EP300: variants seen among roughly 807,000 people sequenced by gnomAD.
EP300 encodes the protein EP300 lysine acetyltransferase.
In EP300, 31 loss-of-function variants were observed where a neutral mutation model predicts 264.0. The observed-to-expected ratio is 0.12, with a 90% confidence interval of 0.09 to 0.16. The LOEUF (loss-of-function observed/expected upper bound fraction) is 0.16, where lower values mean the gene tolerates loss of function less well. Ranked by LOEUF, EP300 falls within the 10% of genes least tolerant of loss-of-function variation. The probability of loss-of-function intolerance (pLI) is 1.00; values close to 1 mark genes in which losing one functional copy is unlikely to be tolerated. For synonymous variants in EP300, 1,340 were observed against 1,045.4 expected, an observed-to-expected ratio of 1.28 and a Z score of -5.44; for missense variants, 2,766 against 3,052.9, an observed-to-expected ratio of 0.91 and a Z score of 2.21.
rs1347049247 is a variant in EP300, at chr22:41,168,765, C to T, written c.4070C>T (p.Thr1357Ile). 2 of 1,614,162 alleles carry T rather than the reference C, an allele frequency of 1.2e-6. No individual in the cohort carries two copies. Among genetic ancestry groups the T allele is most frequent in the Non-Finnish European group, 1.7e-6 (2 of 1,180,042 alleles). Reference sequence around the variant, plus strand: ...ATGGCAGAATCCTTTCCATACCGAACCAAAGCCCTCTTTGCCTTTGAAGAA... The same window carrying T: ...ATGGCAGAATCCTTTCCATACCGAATCAAAGCCCTCTTTGCCTTTGAAGAA... ...GEMAESFPYR[T>I]KALFAFEEID... The change falls in exon 25 of 31, where the codon ACC (threonine) becomes ATC (isoleucine). Residue 1357 changes from threonine (T) to isoleucine (I), a missense_variant. Thr to Ile is a moderately conservative substitution (Grantham distance 89). Coordinates refer to ENST00000263253, the MANE Select transcript of EP300 (RefSeq NM_001429.4).
intron 1 of EP300, among the ~76,000 whole-genome samples, chr22:41,116,144 G>A (rs1193783407): frequency 6.6e-6 from 1 of 151,814 alleles, no homozygotes; most frequent in Non-Finnish European, 1.5e-5. Context: ...AATGGGTGTT[G>A]CACTTTTTTT....
In EP300 at chr22:41,125,708, T is replaced by A. The variant is rs117458985; in HGVS notation, c.730-156T>A. On this transcript the variant is annotated intron_variant, in intron 2 of 30. Transcript: ENST00000263253. The stretch of plus-strand genomic sequence containing the variant: ...TTTGTATTTTTTAGTAGAGATGGGG[T>A]TTTGTCACGTTGCCCAAGCTGTAGT... 1,192 of 762,752 alleles carry A rather than the reference T, an allele frequency of 1.6e-3. 26 individuals are homozygous for A. The East Asian group carries it at 0.028, about 18-fold the overall frequency. The allele number at this position is 762,752 out of a possible 1,614,324, so 47.2% of individuals were successfully genotyped here. A position where few individuals can be genotyped will look rare whatever the true frequency, so the allele number is the denominator to read the frequency against.
rs1295722602 is a variant in EP300 at position 41,176,297 on chromosome 22, T to C, written c.4830T>C (p.Pro1610=). ...CTGGCCCTGCTGCCAACTCCCTGCC[T>C]CCCATTGTTGATCCTGATCCTCTCA... The part of the protein sequence containing the change: ...LIAGPAANSL[P]PIVDPDPLIP... Residue 1610 remains proline, a synonymous_variant, in exon 30 of 31, where the codon CCT becomes CCC. Coordinates refer to ENST00000263253, the MANE Select transcript of EP300 (RefSeq NM_001429.4). The C allele has an allele frequency of 6.2e-7, 1 of 1,614,188 alleles. No individual in the cohort carries two copies. The highest frequency in any genetic ancestry group is 2.2e-5 in the East Asian group (1 of 44,890).
intron 1 of EP300, among the ~76,000 whole-genome samples, chr22:41,108,550 A>G (rs2058771245): frequency 6.6e-6 from 1 of 152,080 alleles, no homozygotes; most frequent in East Asian, 1.9e-4. Flanking sequence ...TGCCCAACCT[A>G]TGCTAAACTT....
intron 1 of EP300, among the ~76,000 whole-genome samples, chr22:41,112,994 T>C (rs2058801575): frequency 1.3e-5 from 2 of 152,170 alleles, no homozygotes; most frequent in Non-Finnish European, 2.9e-5. Context: ...TATTTCAATG[T>C]ATATCTTTCA....
Position 41,093,017 on chromosome 22 carries a change from G to A in EP300, c.13G>A (p.Val5Met). Residue 5 changes from valine (V) to methionine (M), a missense_variant, in exon 1 of 31, where the codon GTG becomes ATG. By Grantham distance (21) the Val-to-Met change is conservative (BLOSUM62 1). Transcript: ENST00000263253. MAEN[V>M]VEPGPPSAKR... is the part of the protein sequence containing the mutation. ...GAAAGAATTAAAAATGGCCGAGAAT[G>A]TGGTGGAACCGGGGCCGCCTTCAGC... The A allele has an allele frequency of 1.2e-6, 2 of 1,614,096 alleles. No homozygotes were observed. Among genetic ancestry groups the A allele is most frequent in the Non-Finnish European group, 1.7e-6 (2 of 1,180,008 alleles).
rs1275724523 is a variant in EP300, at chr22:41,141,037, C to A, written c.1879-11C>A. 1 of 1,613,032 alleles carries A rather than the reference C, an allele frequency of 6.2e-7. No homozygotes were observed. Among genetic ancestry groups the A allele is most frequent in the Non-Finnish European group, 8.5e-7 (1 of 1,179,516 alleles). ...CCTCATCTCCCTTATTTTACTTCAA[C>A]AATTCAAAAGGCGGAATACTACCAC... On this transcript the variant is annotated splice_polypyrimidine_tract_variant and intron_variant, in intron 9 of 30. Coordinates refer to ENST00000263253, the MANE Select transcript of EP300 (RefSeq NM_001429.4).
chr22:41,179,100 G>C lies in EP300; in HGVS notation c.*144G>C. The C allele has an allele frequency of 1.1e-6, 1 of 898,004 alleles. No homozygotes were observed. Among genetic ancestry groups the C allele is most frequent in the Non-Finnish European group, 1.7e-6 (1 of 597,588 alleles). The allele number at this position is 898,004 out of a possible 1,614,324, so 55.6% of individuals were successfully genotyped here. ...TAAGAACTGTGCAGTAGCCGTTTGT[G>C]GTTTAAAGCAAACATGCAAGATGAA... On this transcript the variant is annotated 3_prime_UTR_variant, in exon 31 of 31. Transcript: ENST00000263253.
At position 41,166,577 on chromosome 22, in the gene EP300, CAA is replaced by C; in HGVS notation, c.3807-20_3807-19del. 1 of 1,605,208 alleles carries C rather than the reference CAA, an allele frequency of 6.2e-7. No individual in the cohort carries two copies. Among genetic ancestry groups the C allele is most frequent in the Non-Finnish European group, 8.5e-7 (1 of 1,172,622 alleles). On this transcript the variant is annotated intron_variant, in intron 22 of 30. Transcript: ENST00000263253. ...CAACGGTTTATCTAAGTTGTGTAAG[CAA>C]AGTTTTGGTTTACATTTAGATTCGT...
chr22:41,150,343 T>C (rs2059036998), intron 14 of EP300, 145 bp downstream of exon 14: 1 of 1,055,312 alleles, frequency 9.5e-7, no homozygotes. Context: ...TTAGGGACTT[T>C]TGTATCCTGT....
chr22:41,144,291 C>T (rs1479099023), intron 10 of EP300, among the ~76,000 whole-genome samples: 1 of 152,000 alleles, frequency 6.6e-6, no homozygotes, highest in Non-Finnish European at 1.5e-5. Context: ...GCATTAAGGG[C>T]ATATATATTG....
At position 41,140,188 on chromosome 22, in the gene EP300, A is replaced by G; in HGVS notation, c.1809A>G (p.Arg603=). 1 of 1,614,154 alleles carries G rather than the reference A, an allele frequency of 6.2e-7. No individual in the cohort carries two copies. The highest frequency in any genetic ancestry group is 1.7e-5 in the Admixed American group (1 of 60,012). ...PTPDPAALKD[R]RMENLVAYAR... ...CGGATCCTGCTGCTTTAAAAGACAGACGGATGGAAAACCTAGTTGCATATG... is the reference window on the plus strand; with the variant it reads ...CGGATCCTGCTGCTTTAAAAGACAGGCGGATGGAAAACCTAGTTGCATATG... The change falls in exon 9 of 31, where the codon AGA becomes AGG. Residue 603 remains arginine, a synonymous_variant. Transcript: ENST00000263253.
At chr22:41,175,254 C>T (rs931315457) in intron 29 of EP300, among the ~76,000 whole-genome samples, 4 of 124,992 alleles carry the variant, frequency 3.2e-5, no homozygotes, top group Non-Finnish European at 3.4e-5. Flanking sequence ...ACAGAAGCAG[C>T]GAACATTGCT....
intron 16 of EP300, among the ~76,000 whole-genome samples, chr22:41,153,293 A>G (rs7510675): frequency 0.73 from 111,021 of 152,096 alleles, 40,974 homozygotes; most frequent in East Asian, 1. Flanking sequence ...ATACCTGAGG[A>G]GTGAGTCTGC....
intron 2 of EP300, among the ~76,000 whole-genome samples, chr22:41,123,603 TAGC>T (rs2058864189): frequency 6.6e-6 from 1 of 152,192 alleles, no homozygotes; most frequent in South Asian, 2.1e-4. Context: ...TGATTGGTCT[TAGC>T]AGACAGAAAT....
At chr22:41,137,828 A>G in intron 8 of EP300, 38 bp downstream of exon 8, 3 of 1,613,810 alleles carry the variant, frequency 1.9e-6, no homozygotes, top group Non-Finnish European at 2.5e-6. Flanking sequence ...TCGTAAAGAG[A>G]TGTTACGTCA....
intron 8 of EP300, among the ~76,000 whole-genome samples, chr22:41,139,718 C>G (rs17002304): frequency 0.041 from 6,204 of 152,122 alleles, 417 homozygotes; most frequent in East Asian, 0.2. Context: ...TTTTATAAGC[C>G]TTTGTCAGAA....
rs754364723 is a variant in EP300, at chr22:41,151,997, G to A, written c.2982G>A (p.Pro994=). ...VDQPEPADTQ[P]EDISESKVED... is the part of the protein sequence containing the mutation. ...AACCAGAACCAGCAGATACTCAGCC[G>A]GAGGATATTTCAGAGGTGAGAGTAG... The change falls in exon 15 of 31, where the codon CCG becomes CCA. Residue 994 remains proline, a synonymous_variant. Transcript: ENST00000263253. The A allele has an allele frequency of 2.5e-5, 41 of 1,614,034 alleles. No individual in the cohort carries two copies. Among genetic ancestry groups the A allele is most frequent in the Non-Finnish European group, 1.9e-5 (23 of 1,180,046 alleles).
At chr22:41,166,791 T>C (rs1288458121) in intron 23 of EP300, 125 bp downstream of exon 23, 1 of 633,550 alleles carries the variant, frequency 1.6e-6, no homozygotes, top group Non-Finnish European at 2.7e-6. Flanking sequence ...AATTCTATAA[T>C]CTCCTTATAG....
Sources: allele counts gnomAD v4.1 joint callset (sites outside exome capture counted in the v4.1 genomes callset), GRCh38; gene constraint gnomAD v4.1.1; transcripts MANE v1.5; gene names NCBI Gene and HGNC (gene_info 2026-07-23, HGNC 2026-07-21).